Variants in CSMD2 observed in about 807,000 individuals in gnomAD.
CSMD2 encodes CUB and sushi domain-containing protein 2.
Under a neutral mutation model 398.5 loss-of-function variants are expected in CSMD2, and 130 were observed. The observed-to-expected ratio is 0.33, with a 90% CI of 0.28 to 0.38. CSMD2 has a LOEUF of 0.38. Among genes scored for constraint, CSMD2 ranks in the 10% least tolerant of loss-of-function variants. The pLI is 1.00. For synonymous variants in CSMD2, 1,828 were observed against 1,908.5 expected (o/e 0.96, Z 1.10); for missense variants, 3,829 against 4,764.9 (o/e 0.80, Z 5.78).
At chr1:33,859,183 A>G (rs1171571007) in intron 5 of CSMD2, among the ~76,000 whole-genome samples, 1 of 152,214 alleles carries the variant, frequency 6.6e-6, no homozygotes, top group East Asian at 1.9e-4. Context: ...TTGTGTTATA[A>G]TTCTGGAGGT....
chr1:33,921,938 C>A (rs573561476), intron 4 of CSMD2, among the ~76,000 whole-genome samples: 1 of 152,192 alleles, frequency 6.6e-6, no homozygotes, highest in East Asian at 1.9e-4. Context: ...ATCAAAGCTG[C>A]AACTAGGCAG....
chr1:33,653,908 C>A (rs1310962148), intron 27 of CSMD2, among the ~76,000 whole-genome samples: 1 of 152,140 alleles, frequency 6.6e-6, no homozygotes, highest in Non-Finnish European at 1.5e-5. Context: ...AAGGGTATAC[C>A]TGACTCCAAA....
chr1:33,990,016 TA>T (rs991383767), intron 3 of CSMD2, among the ~76,000 whole-genome samples: 9 of 152,042 alleles, frequency 5.9e-5, no homozygotes, highest in Admixed American at 1.3e-4. Context: ...AAGAGTGATT[TA>T]AAAAAGACTT....
At chr1:33,571,445 T>C (rs1659586235) in intron 51 of CSMD2, 87 bp downstream of exon 51, 2 of 1,070,822 alleles carry the variant, frequency 1.9e-6, no homozygotes, top group Admixed American at 6.8e-5. Context: ...TACCCCTTTT[T>C]CCCCCACCCC....
intron 52 of CSMD2, among the ~76,000 whole-genome samples, chr1:33,568,434 G>A (rs966880560): frequency 4.6e-5 from 7 of 152,066 alleles, no homozygotes; most frequent in African/African-American, 1.4e-4. Flanking sequence ...TGATCCACCC[G>A]CCTTTGCTTC....
intron 1 of CSMD2, among the ~76,000 whole-genome samples, chr1:34,132,306 G>A (rs1327579693): frequency 1.3e-5 from 2 of 151,896 alleles, no homozygotes; most frequent in Non-Finnish European, 2.9e-5. Flanking sequence ...CTCTTACCAT[G>A]TGACATTGTG....
rs893297005 is a variant in CSMD2 at position 33,635,500 on chromosome 1, T to C, written c.4970-170A>G. ...GCGGACCCTGCCCTGCCCAAGAACG[T>C]GCACCCCTGGCCTGGCATGTAGCCT... On this transcript the variant is annotated intron_variant, in intron 30 of 70. Transcript: ENST00000373381. This position sits in a 1 kb window ranked among gnomAD's most constrained non-coding sequence, Gnocchi z 5.0. Among the ~76,000 whole-genome samples the C allele has an allele frequency of 6.6e-6, 1 of 152,208 alleles. No homozygotes were observed. Among genetic ancestry groups the C allele is most frequent in the African/African-American group, 2.4e-5 (1 of 41,458 alleles).
At chr1:33,550,387 C>T in intron 55 of CSMD2, 37 bp from the exon 56 acceptor site, 2 of 1,592,926 alleles carry the variant, frequency 1.3e-6, no homozygotes, top group Non-Finnish European at 1.7e-6. Flanking sequence ...TGACTCTGCA[C>T]AGGGATGGCT....
At chr1:33,551,337 T>C (rs948845729) in intron 55 of CSMD2, among the ~76,000 whole-genome samples, 1 of 152,220 alleles carries the variant, frequency 6.6e-6, no homozygotes, top group Non-Finnish European at 1.5e-5. Flanking sequence ...ACTGGAGTTA[T>C]ATGATCGGAT....
intron 10 of CSMD2, among the ~76,000 whole-genome samples, chr1:33,795,098 G>A (rs989695188): frequency 2.0e-5 from 3 of 151,702 alleles, no homozygotes; most frequent in Admixed American, 6.6e-5. Context: ...GTCAAGGTGA[G>A]GCGGGATGTA....
At chr1:33,541,484 T>C (rs535666247) in intron 58 of CSMD2, among the ~76,000 whole-genome samples, 175 bp from the exon 59 acceptor site, 1 of 152,178 alleles carries the variant, frequency 6.6e-6, no homozygotes, top group Admixed American at 6.5e-5. Flanking sequence ...TCTTTTTTTT[T>C]AAGTCAGGGT....
rs1036566818 is a variant in CSMD2, at chr1:33,697,187, A to G, written c.3925+1566T>C. Among the ~76,000 whole-genome samples, 10 of 152,326 alleles carry G rather than the reference A, an allele frequency of 6.6e-5. No individual in the cohort carries two copies. In the South Asian group the frequency reaches 2.1e-3, roughly 32 times the overall value. On this transcript the variant is annotated intron_variant, in intron 24 of 70. Transcript: ENST00000373381. Reference sequence around the variant, plus strand: ...AAGCAAATAATTATCTTGTAATACGAGTCATCATCCCTCCTTTTCATTTTG... The same window carrying G: ...AAGCAAATAATTATCTTGTAATACGGGTCATCATCCCTCCTTTTCATTTTG...
chr1:33,997,956 A>C (rs1477167052), intron 3 of CSMD2, among the ~76,000 whole-genome samples: 3 of 152,128 alleles, frequency 2.0e-5, no homozygotes, highest in Admixed American at 2.0e-4. Flanking sequence ...TCTGCCCCTG[A>C]GGTGCAGACC....
chr1:33,846,741 A>C, intron 6 of CSMD2, 143 bp downstream of exon 6: 1 of 460,232 alleles, frequency 2.2e-6, no homozygotes. Flanking sequence ...AAATCTGCAG[A>C]CCTCTGGTCT....
chr1:34,028,430 A>AT (rs1649972383), intron 3 of CSMD2, among the ~76,000 whole-genome samples: 1 of 152,158 alleles, frequency 6.6e-6, no homozygotes, highest in Admixed American at 6.5e-5. Flanking sequence ...AGTGCCCTGT[A>AT]TTTTATCTGG....
intron 6 of CSMD2, 52 bp from the exon 7 acceptor site, chr1:33,825,826 G>T (rs1001296502): frequency 6.9e-7 from 1 of 1,452,398 alleles, no homozygotes; most frequent in Non-Finnish European, 9.6e-7. Flanking sequence ...TGTGACCAGG[G>T]ATAAGGGTCC....
intron 3 of CSMD2, among the ~76,000 whole-genome samples, chr1:33,943,934 ACACAC>A: frequency 7.4e-6 from 1 of 134,414 alleles, no homozygotes; most frequent in South Asian, 2.3e-4. Flanking sequence ...TTACACACAC[ACACAC>A]ACACACACAC....
chr1:33,608,053 T>C (rs944881967), intron 41 of CSMD2, among the ~76,000 whole-genome samples: 3 of 152,182 alleles, frequency 2.0e-5, no homozygotes, highest in African/African-American at 7.2e-5. Flanking sequence ...GAATGTTGGC[T>C]TGTCGTCCAG....
intron 11 of CSMD2, 117 bp from the exon 12 acceptor site, chr1:33,788,829 C>G: frequency 1.5e-6 from 1 of 654,444 alleles, no homozygotes; most frequent in Non-Finnish European, 2.7e-6. Flanking sequence ...CGGGCAAATT[C>G]TGGGCCCCAC....
Sources: allele counts gnomAD v4.1 joint callset (sites outside exome capture counted in the v4.1 genomes callset), GRCh38; gene constraint gnomAD v4.1.1; non-coding constraint Gnocchi (gnomAD v3.1); transcripts MANE v1.5; gene names NCBI Gene and HGNC (gene_info 2026-07-23, HGNC 2026-07-21).